SLC9C2: variants seen among roughly 807,000 people sequenced by gnomAD.
The protein encoded by SLC9C2 is solute carrier family 9 member C2 (putative), also known as sodium/hydrogen exchanger 11.
SLC9C2 carries 75 observed loss-of-function variants against 140.2 expected under a neutral mutation model. The ratio of observed to expected loss-of-function variants is 0.53; its 90% CI spans 0.44 to 0.65. The LOEUF (loss-of-function observed/expected upper bound fraction) is 0.65. Ranked by LOEUF, SLC9C2 falls within the 30% of genes least tolerant of loss-of-function variation. SLC9C2 has a pLI of 0.00. For synonymous variants in SLC9C2, 375 were observed against 420.9 expected, an observed-to-expected ratio of 0.89 and a Z score of 1.34; for missense variants, 1,074 against 1,331.8, an observed-to-expected ratio of 0.81 and a Z score of 3.01.
chr1:173,566,501 G>A (rs1664483550), intron 9 of SLC9C2, among the ~76,000 whole-genome samples: 1 of 151,940 alleles, frequency 6.6e-6, no homozygotes, highest in Non-Finnish European at 1.5e-5. Flanking sequence ...ATGATCCTTT[G>A]AATTTCTGTG....
intron 17 of SLC9C2, among the ~76,000 whole-genome samples, chr1:173,532,570 G>A (rs770213048): frequency 6.6e-5 from 10 of 152,200 alleles, no homozygotes; most frequent in Non-Finnish European, 2.9e-5. Context: ...TGGAGCTATG[G>A]AGGAAATATT....
chr1:173,550,443 T>G (rs946424355), intron 11 of SLC9C2, among the ~76,000 whole-genome samples: 5 of 120,648 alleles, frequency 4.1e-5, no homozygotes, highest in Admixed American at 8.5e-5. Context: ...TTTATTTATT[T>G]ATTTATTTAT....
intron 9 of SLC9C2, among the ~76,000 whole-genome samples, chr1:173,559,901 T>G (rs1370195358): frequency 6.6e-6 from 1 of 152,176 alleles, no homozygotes; most frequent in Non-Finnish European, 1.5e-5. Context: ...CTCAACCCCC[T>G]CTATAATCAG....
At position 173,503,322 on chromosome 1, in the gene SLC9C2, T is replaced by A. The variant is rs1348225837; in HGVS notation, c.3315A>T (p.Ser1105=). ...CTGGTTGTTCAAAGACCGTGTTGAC[T>A]GAGGCTAACCAAATCCAAGCATTGA... ...QRNSNTNVMA[S]VNTVFEQPGK... Residue 1105 remains serine, a synonymous_variant, in exon 27 of 28, where the codon TCA becomes TCT. Transcript: ENST00000367714. The A allele has an allele frequency of 6.2e-7, 1 of 1,613,720 alleles. No individual in the cohort carries two copies. The highest frequency in any genetic ancestry group is 1.3e-5 in the African/African-American group (1 of 75,052).
chr1:173,584,570 T>G (rs1665744374), intron 5 of SLC9C2, among the ~76,000 whole-genome samples: 1 of 152,294 alleles, frequency 6.6e-6, no homozygotes, highest in Admixed American at 6.5e-5. Context: ...ACAATGTGAC[T>G]TTTGTCTCTG....
intron 13 of SLC9C2, among the ~76,000 whole-genome samples, chr1:173,546,009 T>C (rs1388966863): frequency 6.6e-6 from 1 of 152,152 alleles, no homozygotes; most frequent in African/African-American, 2.4e-5. Flanking sequence ...GCCTAGGCTC[T>C]AGAACGTTCA....
chr1:173,503,751 T>C (rs1483602534), intron 26 of SLC9C2, among the ~76,000 whole-genome samples: 1 of 152,220 alleles, frequency 6.6e-6, no homozygotes, highest in Non-Finnish European at 1.5e-5. Context: ...AAAACATTTG[T>C]TTCTACTTGG....
At position 173,523,914 on chromosome 1, in the gene SLC9C2, A is replaced by G. The variant is rs569623828; in HGVS notation, c.2640+55T>C. On this transcript the variant is annotated intron_variant, in intron 21 of 27. Coordinates refer to ENST00000367714, the MANE Select transcript of SLC9C2 (RefSeq NM_178527.4). ...TGTTAATCTTTCATTAGGGAGTGGAAAAAAATGGATAATTACCATCAAACC... is the reference window on the plus strand; with the variant it reads ...TGTTAATCTTTCATTAGGGAGTGGAGAAAAATGGATAATTACCATCAAACC... 288 of 1,565,042 alleles carry G rather than the reference A, an allele frequency of 1.8e-4. 1 individual carries two copies. In the African/African-American group the frequency reaches 3.5e-3, roughly 19 times the overall value.
intron 4 of SLC9C2, among the ~76,000 whole-genome samples, chr1:173,588,138 T>C (rs1052107878): frequency 1.3e-5 from 2 of 152,194 alleles, no homozygotes; most frequent in African/African-American, 4.8e-5. Context: ...ATATAAAACA[T>C]ATCCTGATTA....
chr1:173,563,237 C>T (rs1664235814), intron 9 of SLC9C2, among the ~76,000 whole-genome samples: 1 of 151,806 alleles, frequency 6.6e-6, no homozygotes, highest in Non-Finnish European at 1.5e-5. Flanking sequence ...GGCCAGTGTT[C>T]CACAAGGTCT....
intron 23 of SLC9C2, among the ~76,000 whole-genome samples, chr1:173,515,706 G>C (rs911261039): frequency 4.6e-5 from 7 of 152,144 alleles, no homozygotes; most frequent in Non-Finnish European, 7.3e-5. Flanking sequence ...GCCTTTGCTG[G>C]ACAGGCATTG....
At chr1:173,534,456 T>C (rs1661800631) in intron 16 of SLC9C2, 28 bp downstream of exon 16, 5 of 1,521,628 alleles carry the variant, frequency 3.3e-6, no homozygotes, top group Non-Finnish European at 4.4e-6. Flanking sequence ...GCTCTTTTTA[T>C]AGATTCTATT....
intron 9 of SLC9C2, among the ~76,000 whole-genome samples, chr1:173,562,987 G>T (rs1664213564): frequency 6.6e-6 from 1 of 151,346 alleles, no homozygotes; most frequent in Admixed American, 6.6e-5. Flanking sequence ...AAAGAGTGTG[G>T]GAGAGCGGTG....
chr1:173,586,560 C>T (rs1665859196), intron 5 of SLC9C2, among the ~76,000 whole-genome samples: 1 of 152,162 alleles, frequency 6.6e-6, no homozygotes, highest in Admixed American at 6.5e-5. Flanking sequence ...AATCATTCTA[C>T]TATAAAGACA....
At chr1:173,580,259 C>A (rs866477146) in intron 7 of SLC9C2, among the ~76,000 whole-genome samples, 2 of 152,158 alleles carry the variant, frequency 1.3e-5, no homozygotes, top group Non-Finnish European at 2.9e-5. Flanking sequence ...CTCTGGCAAG[C>A]CAGCAAGAGC....
At chr1:173,532,491 A>AT (rs1350926767) in intron 17 of SLC9C2, among the ~76,000 whole-genome samples, 1 of 152,244 alleles carries the variant, frequency 6.6e-6, no homozygotes, top group East Asian at 1.9e-4. Context: ...GAATGAAGGC[A>AT]TAGTAATTGT....
intron 25 of SLC9C2, 26 bp downstream of exon 25, chr1:173,506,830 G>T (rs1659672365): frequency 6.3e-7 from 1 of 1,586,818 alleles, no homozygotes; most frequent in South Asian, 1.1e-5. Context: ...AAGAGCAAGA[G>T]ACTCTTTAGA....
rs1662399227 is a variant in SLC9C2, at chr1:173,541,391, A to C, written c.1558-4352T>G. The stretch of plus-strand genomic sequence containing the variant: ...TTAGAGACCTAGAAAGAGACTTAGA[A>C]TCCCACATAATAATAATGGGAGATT... On this transcript the variant is annotated intron_variant, in intron 13 of 27. Transcript: ENST00000367714. Among the ~76,000 whole-genome samples the C allele has an allele frequency of 2.0e-5, 3 of 152,112 alleles. No individual in the cohort carries two copies. In the South Asian group the frequency reaches 6.2e-4, roughly 32 times the overall value.
chr1:173,533,056 G>T (rs961989879), intron 17 of SLC9C2, among the ~76,000 whole-genome samples: 10 of 152,080 alleles, frequency 6.6e-5, no homozygotes, highest in Non-Finnish European at 2.9e-5. Context: ...GTTGCCAGTT[G>T]ACATAGGCTG....
Sources: gnomAD v4.1 joint callset for allele counts (sites outside exome capture counted in the v4.1 genomes callset) on GRCh38, gnomAD v4.1.1 for gene constraint, MANE v1.5 for transcripts, NCBI Gene and HGNC (gene_info 2026-07-23, HGNC 2026-07-21) for gene names.